Variants in CORO2A observed in about 807,000 individuals in gnomAD.
CORO2A encodes the protein coronin-2A.
A neutral mutation model predicts 62.4 loss-of-function variants in CORO2A; 47 were observed. The observed-to-expected ratio is 0.75, with a 90% CI of 0.60 to 0.96. The LOEUF is 0.96. Among genes scored for constraint, CORO2A ranks in the 40% least tolerant of loss-of-function variants. CORO2A has a pLI of 0.00. For synonymous variants in CORO2A, 273 were observed against 268.9 expected (o/e 1.02, Z -0.15); for missense variants, 610 against 684.1 (o/e 0.89, Z 1.21).
At chr9:98,135,020 A>G in intron 3 of CORO2A, 65 bp from the exon 4 acceptor site, 1 of 1,583,170 alleles carries the variant, frequency 6.3e-7, no homozygotes, top group Admixed American at 1.7e-5. Flanking sequence ...CACCAGCCTA[A>G]GCCACAGATC....
At chr9:98,126,471 C>A in intron 11 of CORO2A, 78 bp downstream of exon 11, 1 of 1,529,430 alleles carries the variant, frequency 6.5e-7, no homozygotes, top group South Asian at 1.3e-5. Flanking sequence ...CTCATTTTCT[C>A]CCTTCTTCTC....
intron 1 of CORO2A, 58 bp from the exon 2 acceptor site, chr9:98,157,718 A>G (rs1365697443): frequency 2.7e-6 from 4 of 1,491,958 alleles, no homozygotes; most frequent in South Asian, 2.5e-5. Flanking sequence ...CATGGGACAC[A>G]CAGAGCTCTC....
chr9:98,158,848 CA>C (rs1179766629), intron 1 of CORO2A, among the ~76,000 whole-genome samples: 1 of 151,868 alleles, frequency 6.6e-6, no homozygotes, highest in African/African-American at 2.4e-5. Flanking sequence ...CACACACACA[CA>C]CACACACACA....
intron 1 of CORO2A, among the ~76,000 whole-genome samples, chr9:98,168,685 T>C (rs902923120): frequency 5.9e-5 from 9 of 152,230 alleles, no homozygotes; most frequent in African/African-American, 2.2e-4. Flanking sequence ...AAGATTGTTG[T>C]GGTCCCAATG....
intron 1 of CORO2A, among the ~76,000 whole-genome samples, chr9:98,160,720 G>C (rs1427393887): frequency 1.3e-5 from 2 of 152,184 alleles, no homozygotes; most frequent in Non-Finnish European, 2.9e-5. Flanking sequence ...AACTGCTGGG[G>C]GTGGCGGGAG....
intron 1 of CORO2A, among the ~76,000 whole-genome samples, chr9:98,188,915 G>C (rs1416224000): frequency 6.6e-6 from 1 of 152,152 alleles, no homozygotes; most frequent in African/African-American, 2.4e-5. Flanking sequence ...ACAGAATTAG[G>C]CAGGCGGTAA....
At chr9:98,148,301 A>G (rs968434426) in intron 2 of CORO2A, among the ~76,000 whole-genome samples, 1 of 150,988 alleles carries the variant, frequency 6.6e-6, no homozygotes, top group African/African-American at 2.4e-5. Context: ...AGGCTGAGGC[A>G]GGAGAGTTGC....
intron 1 of CORO2A, among the ~76,000 whole-genome samples, chr9:98,176,220 A>G (rs1383681825): frequency 6.6e-6 from 1 of 152,160 alleles, no homozygotes; most frequent in African/African-American, 2.4e-5. Flanking sequence ...TTATCAACCC[A>G]TGAGTGTTGA....
chr9:98,159,529 C>G (rs752668741), intron 1 of CORO2A, among the ~76,000 whole-genome samples: 1 of 151,700 alleles, frequency 6.6e-6, no homozygotes, highest in South Asian at 2.1e-4. Flanking sequence ...CTCCAGCCCT[C>G]TGGCTCTTTG....
chr9:98,144,940 G>T (rs1827622359), intron 2 of CORO2A, among the ~76,000 whole-genome samples: 1 of 152,142 alleles, frequency 6.6e-6, no homozygotes, highest in Admixed American at 6.5e-5. Context: ...TGGAGAGGGT[G>T]AGATGTGGGA....
intron 1 of CORO2A, among the ~76,000 whole-genome samples, chr9:98,163,456 CT>C (rs1279459566): frequency 3.9e-5 from 6 of 152,322 alleles, no homozygotes; most frequent in African/African-American, 1.4e-4. Flanking sequence ...TCCCTAAGTG[CT>C]GAGATTACAG....
At chr9:98,179,586 G>A (rs531906082) in intron 1 of CORO2A, among the ~76,000 whole-genome samples, 16 of 152,102 alleles carry the variant, frequency 1.1e-4, no homozygotes, top group Middle Eastern at 3.4e-3. Flanking sequence ...GCCAAGGTGT[G>A]GCCCAGGAGT....
chr9:98,131,977 C>G (rs1827414871), intron 6 of CORO2A, among the ~76,000 whole-genome samples: 1 of 152,218 alleles, frequency 6.6e-6, no homozygotes, highest in South Asian at 2.1e-4. Context: ...CCTGACCCAT[C>G]TCCCTCCTTG....
chr9:98,141,353 T>A (rs912963439), intron 2 of CORO2A, among the ~76,000 whole-genome samples: 19 of 122,466 alleles, frequency 1.6e-4, no homozygotes, highest in African/African-American at 6.1e-4. Flanking sequence ...CTGACCCTTT[T>A]TTTTTTTTTT....
intron 1 of CORO2A, among the ~76,000 whole-genome samples, chr9:98,171,204 A>T (rs961024367): frequency 6.6e-6 from 1 of 152,164 alleles, no homozygotes; most frequent in African/African-American, 2.4e-5. Flanking sequence ...TTGGACAGAG[A>T]GGGACACTGA....
intron 1 of CORO2A, 110 bp from the exon 2 acceptor site, chr9:98,157,770 A>C (rs2118876756): frequency 1.0e-6 from 1 of 988,472 alleles, no homozygotes; most frequent in Middle Eastern, 3.4e-4. Context: ...GACAGTGGTC[A>C]GTTCAACGTG....
At chr9:98,163,778 G>A (rs188669832) in intron 1 of CORO2A, among the ~76,000 whole-genome samples, 206 of 150,546 alleles carry the variant, frequency 1.4e-3, no homozygotes, top group Non-Finnish European at 2.4e-3. Flanking sequence ...GAGAGAGAAA[G>A]AGACAGAGAG....
chr9:98,157,270 G>A (rs945329114), intron 2 of CORO2A, 190 bp downstream of exon 2: 22 of 580,504 alleles, frequency 3.8e-5, no homozygotes, highest in African/African-American at 7.5e-5. Context: ...AACTGCTAGA[G>A]GCTAAAATTC....
intron 2 of CORO2A, among the ~76,000 whole-genome samples, chr9:98,144,269 G>A (rs142916239): frequency 1.4e-3 from 219 of 152,062 alleles, no homozygotes; most frequent in African/African-American, 5.1e-3. Context: ...TGCCAGCTGC[G>A]TTGCTCATAA....
Sources: allele counts gnomAD v4.1 joint callset (sites outside exome capture counted in the v4.1 genomes callset), GRCh38; gene constraint gnomAD v4.1.1; transcripts MANE v1.5; gene names NCBI Gene and HGNC (gene_info 2026-07-23, HGNC 2026-07-21).